EAF1: variants seen among roughly 807,000 people sequenced by gnomAD.
The protein encoded by EAF1 is ELL-associated factor 1.
In EAF1, 19 loss-of-function variants were observed where a neutral mutation model predicts 26.6. The ratio of observed to expected loss-of-function variants is 0.71; its 90% CI spans 0.50 to 1.05. EAF1 has a LOEUF of 1.05. Among genes scored for constraint, EAF1 ranks in the 50% least tolerant of loss-of-function variants. EAF1 has a pLI of 0.00. For synonymous variants in EAF1, 102 were observed against 120.6 expected (o/e 0.85, Z 1.01); for missense variants, 260 against 335.5 (o/e 0.78, Z 1.76).
At position 15,434,537 on chromosome 3, in the gene EAF1, A is replaced by G; in HGVS notation, c.525A>G (p.Arg175=). The change falls in exon 4 of 6, where the codon AGA becomes AGG. Residue 175 remains arginine, a splice_region_variant and synonymous_variant. Transcript: ENST00000396842. The part of the protein sequence containing the change: ...SPEPQLDDIK[R]ELRAEVDIIE... ...AACCTCAGTTGGATGACATCAAAAGAGGTAGAGAACATTTTCTGGATCCAT... is the reference window on the plus strand; with the variant it reads ...AACCTCAGTTGGATGACATCAAAAGGGGTAGAGAACATTTTCTGGATCCAT... 1 of 1,614,032 alleles carries G rather than the reference A, an allele frequency of 6.2e-7. No individual in the cohort carries two copies. The highest frequency in any genetic ancestry group is 8.5e-7 in the Non-Finnish European group (1 of 1,179,946).
chr3:15,436,776 C>T (rs1377722144), intron 5 of EAF1: 2 of 465,834 alleles, frequency 4.3e-6, no homozygotes, highest in Non-Finnish European at 7.6e-6. Flanking sequence ...TATTTCTATT[C>T]CCCACTGGCT....
rs559369981 is a variant in EAF1 at position 15,436,589 on chromosome 3, C to T, written c.760+14C>T. 3.9e-6 allele frequency: 6 copies of T among 1,553,668 alleles called. No homozygotes were observed. In the East Asian group the frequency reaches 1.1e-4, roughly 30 times the overall value. ...TGAACACCCTCAGTAAGTGTGTACT[C>T]CTTTTTATGGCTGAGAGAGGGCCAT... On this transcript the variant is annotated intron_variant, in intron 5 of 5. Coordinates refer to ENST00000396842, the MANE Select transcript of EAF1 (RefSeq NM_033083.7).
At position 15,430,094 on chromosome 3, in the gene EAF1, A is replaced by G. The variant is rs1261364318; in HGVS notation, c.198+87A>G. The G allele has an allele frequency of 1.8e-5, 19 of 1,062,848 alleles. No individual in the cohort carries two copies. In the East Asian group the frequency reaches 3.8e-4, roughly 21 times the overall value. The allele number at this position is 1,062,848 out of a possible 1,614,324, so 65.8% of individuals were successfully genotyped here. A position where few individuals can be genotyped will look rare whatever the true frequency, so the allele number is the denominator to read the frequency against. ...ATTGCAATTTAAACTTCCTACTTTT[A>G]AAAATGTTTAGATTTCTAAAGTGGC... On this transcript the variant is annotated intron_variant, in intron 2 of 5. Transcript: ENST00000396842.
At chr3:15,435,084 T>TG (rs977455722) in intron 4 of EAF1, among the ~76,000 whole-genome samples, 2 of 152,048 alleles carry the variant, frequency 1.3e-5, no homozygotes, top group African/African-American at 4.8e-5. Context: ...ATCTCTTTTT[T>TG]GGGGGGAAAA....
rs1575451002 is a variant in EAF1 at position 15,432,328 on chromosome 3, A to C, written c.335+105A>C. On this transcript the variant is annotated intron_variant, in intron 3 of 5. Transcript: ENST00000396842. ...ATCTGCTTGCTCATAGTGTTCTATC[A>C]ATAATCTTAACACTACCTGTGCTCA... 5.6e-6 allele frequency: 8 copies of C among 1,429,482 alleles called. No homozygotes were observed. The East Asian group carries it at 1.9e-4, about 33-fold the overall frequency. 88.5% of individuals were successfully genotyped at this position (1,429,482 alleles called of 1,614,324 possible).
In EAF1 at chr3:15,427,813, G is replaced by A; in HGVS notation, c.34G>A (p.Glu12Lys). 1 of 1,551,436 alleles carries A rather than the reference G, an allele frequency of 6.4e-7. No homozygotes were observed. The highest frequency in any genetic ancestry group is 8.7e-7 in the Non-Finnish European group (1 of 1,146,886). Reference protein sequence around the residue: ...NGTANPLLDREEHCLRLGESF... With the variant: ...NGTANPLLDRKEHCLRLGESF... ...GACCGCAAACCCGCTGCTGGACCGC[G>A]AGGAACATTGCCTGAGGCTCGGGGA... is the stretch of plus-strand genomic sequence containing the variant. Residue 12 changes from glutamate to lysine, a missense_variant, in exon 1 of 6, where the codon GAG (glutamate) becomes AAG (lysine). By Grantham distance (56) the Glu-to-Lys change is moderately conservative. Transcript: ENST00000396842.
At position 15,439,144 on chromosome 3, in the gene EAF1, A is replaced by G; in HGVS notation, c.796A>G (p.Ser266Gly). 6.2e-7 allele frequency: 1 copy of G among 1,613,430 alleles called. No homozygotes were observed. The highest frequency in any genetic ancestry group is 8.5e-7 in the Non-Finnish European group (1 of 1,179,780). ...DLQLSESGSDSDD is the reference protein window; with the variant it reads ...DLQLSESGSDGDD ...GCAGTTGAGTGAGTCTGGCAGTGAC[A>G]GTGATGACTAGTGCTGGATCTTTCG... Residue 266 changes from serine (S) to glycine (G), a missense_variant, in exon 6 of 6, where the codon AGT (serine) becomes GGT (glycine). Transcript: ENST00000396842.
At chr3:15,428,615 G>C (rs1006205697) in intron 1 of EAF1, among the ~76,000 whole-genome samples, 2 of 151,732 alleles carry the variant, frequency 1.3e-5, no homozygotes, top group African/African-American at 2.4e-5. Context: ...AAGCAGAAGA[G>C]AGCAGGCGTA....
Position 15,429,337 on chromosome 3 carries a change from TAAAA to T in EAF1, c.104-564_104-561del, listed in dbSNP as rs942094805. On this transcript the variant is annotated intron_variant, in intron 1 of 5. Coordinates refer to ENST00000396842, the MANE Select transcript of EAF1 (RefSeq NM_033083.7). ...CAGCATAGTGAGACCCCATCACTAT[TAAAA>T]AAAAAAAAAAACAAAAAACAGCTAT... is the stretch of plus-strand genomic sequence containing the variant. Among the ~76,000 whole-genome samples the T allele has an allele frequency of 6.0e-4, 88 of 145,990 alleles. 1 individual carries two copies. Among genetic ancestry groups the T allele is most frequent in the Non-Finnish European group, 2.1e-4 (14 of 66,122 alleles).
rs112297493 is a variant in EAF1 at position 15,430,592 on chromosome 3, CA to C, written c.198+586del. 7.6e-3 allele frequency among the ~76,000 whole-genome samples: 1,158 copies of C among 152,232 alleles called. 24 individuals are homozygous for C. Among genetic ancestry groups the C allele is most frequent in the African/African-American group, 0.027 (1,111 of 41,532 alleles). ...ATATAGCTTTTCTCCCAAGCAACTC[CA>C]GACAGAAAAGCCCTAGGTGCCCTGC... On this transcript the variant is annotated intron_variant, in intron 2 of 5. Transcript: ENST00000396842.
At position 15,429,979 on chromosome 3, in the gene EAF1, A is replaced by G; in HGVS notation, c.170A>G (p.Glu57Gly). The G allele has an allele frequency of 6.2e-7, 1 of 1,612,464 alleles. No individual in the cohort carries two copies. Among genetic ancestry groups the G allele is most frequent in the African/African-American group, 1.3e-5 (1 of 74,972 alleles). The change falls in exon 2 of 6, where the codon GAA becomes GGA. Residue 57 changes from glutamate (E) to glycine (G), a missense_variant. Coordinates refer to ENST00000396842, the MANE Select transcript of EAF1 (RefSeq NM_033083.7). ...EGELQVGKGD[E>G]VTITLPHIPG... ...GAGCTTCAAGTTGGCAAAGGAGATG[A>G]AGTCACAATTACACTGCCACATATC...
At chr3:15,438,501 A>G (rs1325271560) in intron 5 of EAF1, 1 of 151,570 alleles carries the variant, frequency 6.6e-6, no homozygotes, top group Non-Finnish European at 1.5e-5. Flanking sequence ...CAGTTATTTT[A>G]AATATTTTCT....
At chr3:15,436,308 G>A in intron 4 of EAF1, 34 bp from the exon 5 acceptor site, 1 of 1,533,214 alleles carries the variant, frequency 6.5e-7, no homozygotes, top group East Asian at 2.3e-5. Flanking sequence ...GAAAAGGGCT[G>A]CTGTGCTGAT....
chr3:15,434,972 C>T (rs182067147), intron 4 of EAF1, among the ~76,000 whole-genome samples: 1 of 152,250 alleles, frequency 6.6e-6, no homozygotes, highest in East Asian at 1.9e-4. Flanking sequence ...GTAGTTTCAG[C>T]TACTGTGAGG....
In EAF1 at chr3:15,436,497, C is replaced by T; in HGVS notation, c.682C>T (p.Gln228Ter). Residue 228 changes from glutamine to a stop codon, truncating the protein, a stop_gained, in exon 5 of 6, where the codon CAG (glutamine) becomes TAG (stop). Coordinates refer to ENST00000396842, the MANE Select transcript of EAF1 (RefSeq NM_033083.7). LOFTEE classifies it high-confidence loss of function. ...PASPPQPSHQ[Q>*]PYNSRPAVAN... is the part of the protein sequence containing the mutation. Reference sequence around the variant, plus strand: ...CTCTCCTCCGCAGCCTTCACACCAGCAGCCCTACAACAGTAGGCCTGCCGT... The same window carrying T: ...CTCTCCTCCGCAGCCTTCACACCAGTAGCCCTACAACAGTAGGCCTGCCGT... 1 of 1,611,554 alleles carries T rather than the reference C, an allele frequency of 6.2e-7. No homozygotes were observed. Among genetic ancestry groups the T allele is most frequent in the Non-Finnish European group, 8.5e-7 (1 of 1,177,794 alleles).
Position 15,442,207 on chromosome 3 carries a change from G to GT in EAF1, c.*3052_*3053insT, listed in dbSNP as rs2061875330. 1.4e-5 allele frequency: 2 copies of GT among 140,844 alleles called. No individual in the cohort carries two copies. The highest frequency in any genetic ancestry group is 5.8e-5 in the African/African-American group (2 of 34,778). 8.7% of individuals were successfully genotyped at this position (140,844 alleles called of 1,614,324 possible). ...TCCTATTTGAGAGGCTGGTTCAGCA[G>GT]GGTGTGTGTGTGTGTGTGTGTGTGT... On this transcript the variant is annotated 3_prime_UTR_variant, in exon 6 of 6. Coordinates refer to ENST00000396842, the MANE Select transcript of EAF1 (RefSeq NM_033083.7).
chr3:15,438,334 G>A (rs979577633), intron 5 of EAF1, among the ~76,000 whole-genome samples: 2 of 152,018 alleles, frequency 1.3e-5, no homozygotes, highest in African/African-American at 4.8e-5. Flanking sequence ...TTAAGATAAC[G>A]TGACTATCCT....
intron 1 of EAF1, 72 bp downstream of exon 1, chr3:15,427,954 C>T (rs2061765208): frequency 1.6e-6 from 2 of 1,244,366 alleles, no homozygotes; most frequent in Non-Finnish European, 2.2e-6. Flanking sequence ...TCCTTCCTTT[C>T]TTCCCTCGGC....
chr3:15,428,013 A>G (rs2061766136), intron 1 of EAF1, 131 bp downstream of exon 1: 1 of 717,880 alleles, frequency 1.4e-6, no homozygotes, highest in African/African-American at 1.8e-5. Context: ...CTTTCTCTCG[A>G]ACCCCAAATC....
Sources: gnomAD v4.1 joint callset for allele counts (sites outside exome capture counted in the v4.1 genomes callset) on GRCh38, gnomAD v4.1.1 for gene constraint, MANE v1.5 for transcripts, NCBI Gene and HGNC (gene_info 2026-07-23, HGNC 2026-07-21) for gene names.